The following CNTROB variants were observed in gnomAD, a reference collection of about 807,000 sequenced individuals.
CNTROB encodes centrobin.
CNTROB carries 82 observed loss-of-function variants against 115.7 expected under a neutral mutation model. That is an observed-to-expected ratio of 0.71 (90% CI 0.59 to 0.85). The LOEUF (loss-of-function observed/expected upper bound fraction) is 0.85. Ranked by LOEUF, CNTROB falls within the 40% of genes least tolerant of loss-of-function variation. CNTROB has a pLI of 0.00. For synonymous variants in CNTROB, 439 were observed against 456.4 expected (o/e 0.96, Z 0.49); for missense variants, 1,014 against 1,144.4 (o/e 0.89, Z 1.64).
Position 7,948,142 on chromosome 17 carries a change from C to T in CNTROB, c.2210-15C>T, listed in dbSNP as rs373318985. On this transcript the variant is annotated splice_polypyrimidine_tract_variant and intron_variant, in intron 15 of 18. Coordinates refer to ENST00000563694, the MANE Select transcript of CNTROB (RefSeq NM_053051.5). This position sits in a 1 kb window ranked among gnomAD's most constrained non-coding sequence, Gnocchi z 4.4. ...GCCCCATTTCCTGATTCTTGGCATTCTTTCCTTTTGCTAGGTCCTCTGACT... is the reference window on the plus strand; with the variant it reads ...GCCCCATTTCCTGATTCTTGGCATTTTTTCCTTTTGCTAGGTCCTCTGACT... 14 of 1,613,892 alleles carry T rather than the reference C, an allele frequency of 8.7e-6. No homozygotes were observed. The African/African-American group carries it at 1.7e-4, about 20-fold the overall frequency.
chr17:7,940,115 C>T lies in CNTROB; in HGVS notation c.1184C>T (p.Ala395Val). ...EREKEKSQRE[A>V]QAAWETQHQL... is the part of the protein sequence containing the mutation. ...TCATAGGAGAAGAGCCAGAGGGAAG[C>T]CCAGGCCGCCTGGGAGACCCAGCAC... The change falls in exon 9 of 19, where the codon GCC becomes GTC. Residue 395 changes from alanine (A) to valine (V), a missense_variant. Physicochemically the swap from Ala to Val is moderately conservative, Grantham distance 64 (BLOSUM62 0). Transcript: ENST00000563694. The T allele has an allele frequency of 6.2e-7, 1 of 1,604,540 alleles. No individual in the cohort carries two copies. The highest frequency in any genetic ancestry group is 8.5e-7 in the Non-Finnish European group (1 of 1,176,352).
intron 4 of CNTROB, among the ~76,000 whole-genome samples, 174 bp downstream of exon 4, chr17:7,935,319 C>T (rs1315018948): frequency 2.0e-5 from 3 of 151,492 alleles, no homozygotes; most frequent in Admixed American, 1.3e-4. Flanking sequence ...CTGGCTAACA[C>T]GGTGAAACCC....
chr17:7,935,329 C>CT (rs1973031331), intron 4 of CNTROB, among the ~76,000 whole-genome samples, 184 bp downstream of exon 4: 1 of 151,940 alleles, frequency 6.6e-6, no homozygotes, highest in Non-Finnish European at 1.5e-5. Context: ...CGGTGAAACC[C>CT]GTCTCTACTA....
At position 7,939,857 on chromosome 17, in the gene CNTROB, G is replaced by A; in HGVS notation, c.1164+108G>A. ...TGGGGGATACATATAGGCAGGAATGGAGAGTAGAGAGCCATGTGTGGGAGA... is the reference window on the plus strand; with the variant it reads ...TGGGGGATACATATAGGCAGGAATGAAGAGTAGAGAGCCATGTGTGGGAGA... On this transcript the variant is annotated intron_variant, in intron 8 of 18. Transcript: ENST00000563694. The surrounding 1 kb of genome is among the most constrained non-coding windows in gnomAD (Gnocchi z 4.4). 2 of 1,164,594 alleles carry A rather than the reference G, an allele frequency of 1.7e-6. No homozygotes were observed. The allele number at this position is 1,164,594 out of a possible 1,614,324, so 72.1% of individuals were successfully genotyped here.
Position 7,939,018 on chromosome 17 carries a change from A to C in CNTROB, c.928-495A>C, listed in dbSNP as rs1478041368. 2.0e-5 allele frequency among the ~76,000 whole-genome samples: 3 copies of C among 152,094 alleles called. No individual in the cohort carries two copies. The highest frequency in any genetic ancestry group is 7.2e-5 in the African/African-American group (3 of 41,390). ...GGTCCCAAACTCCTGACCTCAGATG[A>C]TCTGCCTGCCTCAGCCTCCCAAAGT... On this transcript the variant is annotated intron_variant, in intron 7 of 18. Transcript: ENST00000563694. The surrounding 1 kb of genome is among the most constrained non-coding windows in gnomAD (Gnocchi z 4.4).
rs1686194413 is a variant in CNTROB at position 7,948,805 on chromosome 17, T to A, written c.2513+186T>A. ...CTTTTCTTTTATCTCCTCCTTTCTA[T>A]TGCTTTTTTCTTCTAAACAAAAAAA... On this transcript the variant is annotated intron_variant, in intron 17 of 18. Coordinates refer to ENST00000563694, the MANE Select transcript of CNTROB (RefSeq NM_053051.5). This position sits in a 1 kb window ranked among gnomAD's most constrained non-coding sequence, Gnocchi z 4.4. The A allele has an allele frequency of 2.0e-6, 3 of 1,485,888 alleles. No individual in the cohort carries two copies. Among genetic ancestry groups the A allele is most frequent in the African/African-American group, 1.4e-5 (1 of 70,672 alleles). 92.0% of individuals were successfully genotyped at this position (1,485,888 alleles called of 1,614,324 possible). A position where few individuals can be genotyped will look rare whatever the true frequency, so the allele number is the denominator to read the frequency against.
intron 12 of CNTROB, 41 bp from the exon 13 acceptor site, chr17:7,945,687 T>C: frequency 3.1e-6 from 5 of 1,593,126 alleles, no homozygotes; most frequent in Non-Finnish European, 4.3e-6. Context: ...TCTTTAAACC[T>C]ACTGTGCTTT....
At chr17:7,935,433 C>A (rs966926842) in intron 4 of CNTROB, among the ~76,000 whole-genome samples, 1 of 151,396 alleles carries the variant, frequency 6.6e-6, no homozygotes, top group East Asian at 1.9e-4. Context: ...ACCTGGGAGG[C>A]GGAGCTTGCA....
At position 7,945,772 on chromosome 17, in the gene CNTROB, G is replaced by C. The variant is rs760336381; in HGVS notation, c.1779G>C (p.Glu593Asp). ...CCAGCCCCGGGCCTCAGGAGCCCGA[G>C]AAGGAGGAGAGGAGGGTCTGGACTA... ...GPSSPGPQEP[E>D]KEERRVWTMP... The change falls in exon 13 of 19, where the codon GAG (glutamate) becomes GAC (aspartate). Residue 593 changes from glutamate to aspartate, a missense_variant. Physicochemically the swap from Glu to Asp is conservative, Grantham distance 45. Transcript: ENST00000563694. 19 of 1,614,120 alleles carry C rather than the reference G, an allele frequency of 1.2e-5. No individual in the cohort carries two copies. In the African/African-American group the frequency reaches 2.4e-4, roughly 20 times the overall value.
At chr17:7,945,476 T>C (rs4473260) in intron 12 of CNTROB, 194,148 of 394,152 alleles carry the variant, frequency 0.49, 50,080 homozygotes, top group East Asian at 0.72. Context: ...CTCAGCTTCC[T>C]GAGTAGCTGG....
In CNTROB at chr17:7,939,896, A is replaced by G. The variant is rs181640736; in HGVS notation, c.1164+147A>G. ...ATGTGTGGGAGACAAGGTTGAGAGTATAGGGCCAGCAGGAAGGGCTGGGGG... is the reference window on the plus strand; with the variant it reads ...ATGTGTGGGAGACAAGGTTGAGAGTGTAGGGCCAGCAGGAAGGGCTGGGGG... On this transcript the variant is annotated intron_variant, in intron 8 of 18. Coordinates refer to ENST00000563694, the MANE Select transcript of CNTROB (RefSeq NM_053051.5). This position sits in a 1 kb window ranked among gnomAD's most constrained non-coding sequence, Gnocchi z 4.4. 14 of 1,033,314 alleles carry G rather than the reference A, an allele frequency of 1.4e-5. No individual in the cohort carries two copies. In the East Asian group the frequency reaches 2.2e-4, roughly 16 times the overall value. 64.0% of individuals were successfully genotyped at this position (1,033,314 alleles called of 1,614,324 possible).
chr17:7,949,029 T>C (rs1974894365), intron 17 of CNTROB, 56 bp from the exon 18 acceptor site: 4 of 1,613,652 alleles, frequency 2.5e-6, no homozygotes, highest in Non-Finnish European at 3.4e-6. Flanking sequence ...CCATCCAGTA[T>C]TGGGTAACCG....
chr17:7,935,927 T>C (rs140319872), intron 4 of CNTROB: 152 of 166,156 alleles, frequency 9.1e-4, no homozygotes, highest in Non-Finnish European at 1.5e-3. Flanking sequence ...AAATCACTGG[T>C]TGCCATTTTT....
rs377547989 is a variant in CNTROB at position 7,948,211 on chromosome 17, C to T, written c.2264C>T (p.Pro755Leu). The change falls in exon 16 of 19, where the codon CCG becomes CTG. Residue 755 changes from proline (P) to leucine (L), a missense_variant. Physicochemically the swap from Pro to Leu is moderately conservative, Grantham distance 98. Coordinates refer to ENST00000563694, the MANE Select transcript of CNTROB (RefSeq NM_053051.5). This position sits in a 1 kb window ranked among gnomAD's most constrained non-coding sequence, Gnocchi z 4.4. ...EEAPQVPRIP[P>L]PVHKTKVPLA... Reference sequence around the variant, plus strand: ...GCCCCTCAAGTGCCACGTATTCCACCGCCTGTCCACAAAACCAAAGTTCCC... The same window carrying T: ...GCCCCTCAAGTGCCACGTATTCCACTGCCTGTCCACAAAACCAAAGTTCCC... The T allele has an allele frequency of 8.2e-5, 132 of 1,614,122 alleles. No homozygotes were observed. The highest frequency in any genetic ancestry group is 4.9e-4 in the Middle Eastern group (3 of 6,062).
intron 9 of CNTROB, among the ~76,000 whole-genome samples, chr17:7,941,883 A>C (rs1021923810): frequency 1.3e-5 from 2 of 151,400 alleles, no homozygotes; most frequent in Non-Finnish European, 2.9e-5. Context: ...GGATCAACTG[A>C]ACCCTGGAAG....
At chr17:7,938,106 G>A (rs1973419501) in intron 7 of CNTROB, among the ~76,000 whole-genome samples, 1 of 146,674 alleles carries the variant, frequency 6.8e-6, no homozygotes, top group South Asian at 2.2e-4. Flanking sequence ...GGATTCTAGC[G>A]ATTCTCCCAC....
intron 9 of CNTROB, among the ~76,000 whole-genome samples, chr17:7,942,787 A>ATTTTTTTT (rs71159534): frequency 1.7e-4 from 6 of 35,794 alleles, no homozygotes; most frequent in African/African-American, 3.6e-4. Context: ...TACTCAGGGT[A>ATTTTTTTT]TTTTTTTTTT....
Position 7,940,126 on chromosome 17 carries a change from T to G in CNTROB, c.1195T>G (p.Trp399Gly), listed in dbSNP as rs1209261203. The stretch of plus-strand genomic sequence containing the variant: ...GAGCCAGAGGGAAGCCCAGGCCGCC[T>G]GGGAGACCCAGCACCAGTTGGCATT... ...EKSQREAQAA[W>G]ETQHQLALVQ... The change falls in exon 9 of 19, where the codon TGG (tryptophan) becomes GGG (glycine). Residue 399 changes from tryptophan (W) to glycine (G), a missense_variant. By Grantham distance (184) the Trp-to-Gly change is radical (BLOSUM62 -2). Transcript: ENST00000563694. The G allele has an allele frequency of 6.2e-7, 1 of 1,610,204 alleles. No individual in the cohort carries two copies. The highest frequency in any genetic ancestry group is 1.7e-5 in the Admixed American group (1 of 59,276).
Position 7,943,491 on chromosome 17 carries a change from T to A in CNTROB, c.1412T>A (p.Leu471Gln). Residue 471 changes from leucine to glutamine, a missense_variant, in exon 10 of 19, where the codon CTA becomes CAA. Leu to Gln is a moderately radical substitution (Grantham distance 113). Coordinates refer to ENST00000563694, the MANE Select transcript of CNTROB (RefSeq NM_053051.5). The surrounding 1 kb of genome is among the most constrained non-coding windows in gnomAD (Gnocchi z 4.7). ...ERLAQAQESSLRQAASLREHH... is the reference protein window; with the variant it reads ...ERLAQAQESSQRQAASLREHH... ...CTGGCGCAGGCTCAGGAGAGCAGCC[T>A]ACGGCAAGCAGCCTCCCTCAGGGAA... is the stretch of plus-strand genomic sequence containing the variant. 1 of 1,613,480 alleles carries A rather than the reference T, an allele frequency of 6.2e-7. No homozygotes were observed. The highest frequency in any genetic ancestry group is 8.5e-7 in the Non-Finnish European group (1 of 1,179,608).
Sources: allele counts gnomAD v4.1 joint callset (sites outside exome capture counted in the v4.1 genomes callset), GRCh38; gene constraint gnomAD v4.1.1; non-coding constraint Gnocchi (gnomAD v3.1); transcripts MANE v1.5; gene names NCBI Gene and HGNC (gene_info 2026-07-23, HGNC 2026-07-21).